Variants in NIT1 observed in about 807,000 individuals in gnomAD.
The protein encoded by NIT1 is nitrilase 1, also known as deaminated glutathione amidase.
In NIT1, 30 loss-of-function variants were observed where a neutral mutation model predicts 36.8. The ratio of observed to expected loss-of-function variants is 0.82; its 90% CI spans 0.61 to 1.11. NIT1 has a LOEUF of 1.11. NIT1 is among the 50% of genes least tolerant of loss of function. The pLI, the probability that NIT1 is intolerant of heterozygous loss-of-function variation, is 0.00. For missense variants in NIT1, 438 were observed against 410.6 expected (o/e 1.07, Z -0.58); for synonymous variants, 151 against 155.6 (o/e 0.97, Z 0.22).
intron 1 of NIT1, 93 bp downstream of exon 1, chr1:161,118,271 G>C: frequency 6.2e-7 from 1 of 1,607,728 alleles, no homozygotes; most frequent in Non-Finnish European, 8.5e-7. Context: ...GGAGAGGCGG[G>C]GAGGGACGGG....
rs1223858113 is a variant in NIT1, at chr1:161,120,733, C to T, written c.952C>T (p.Leu318Phe). 2 of 1,613,774 alleles carry T rather than the reference C, an allele frequency of 1.2e-6. No homozygotes were observed. Among genetic ancestry groups the T allele is most frequent in the Non-Finnish European group, 1.7e-6 (2 of 1,180,038 alleles). ...LPVFQHRRPDLYGNLGHPLS is the reference protein window; with the variant it reads ...LPVFQHRRPDFYGNLGHPLS ...TGTGTTCCAGCACCGCAGGCCTGACCTCTATGGCAATCTGGGTCACCCACT... is the reference window on the plus strand; with the variant it reads ...TGTGTTCCAGCACCGCAGGCCTGACTTCTATGGCAATCTGGGTCACCCACT... Residue 318 changes from leucine to phenylalanine, a missense_variant, in exon 7 of 7, where the codon CTC (leucine) becomes TTC (phenylalanine). Coordinates refer to ENST00000368009, the MANE Select transcript of NIT1 (RefSeq NM_005600.3).
chr1:161,123,211 G>A, downstream of NIT1: 1 of 1,613,948 alleles, frequency 6.2e-7, no homozygotes, highest in Non-Finnish European at 8.5e-7. Flanking sequence ...CCACAGGATA[G>A]TGGGGAGGCA....
At chr1:161,118,558 T>A in intron 1 of NIT1, 2 of 1,536,172 alleles carry the variant, frequency 1.3e-6, no homozygotes, top group Non-Finnish European at 1.7e-6. Flanking sequence ...TAATGTGAGA[T>A]CATTGGAAGT....
chr1:161,120,818 A>G lies in NIT1; in HGVS notation c.*53A>G, dbSNP rs1012308958. 12 of 1,574,836 alleles carry G rather than the reference A, an allele frequency of 7.6e-6. No individual in the cohort carries two copies. Among genetic ancestry groups the G allele is most frequent in the African/African-American group, 5.4e-5 (4 of 73,676 alleles). On this transcript the variant is annotated 3_prime_UTR_variant, in exon 7 of 7. Transcript: ENST00000368009. ...CCCCTCCCACCCCCACCCTGCCACT[A>G]TGAGCTAGTGCTCATGTGACTTGGA...
chr1:161,121,945 G>A (rs1655541267), downstream of NIT1: 4 of 623,196 alleles, frequency 6.4e-6, no homozygotes, highest in Non-Finnish European at 1.1e-5. Context: ...ATGGAAAAGG[G>A]AAATAAAGGG....
chr1:161,118,760 G>A (rs1223632730), intron 1 of NIT1, 26 bp from the exon 2 acceptor site: 2 of 1,551,776 alleles, frequency 1.3e-6, no homozygotes, highest in Admixed American at 1.7e-5. Flanking sequence ...GAAGGGGTTG[G>A]TGTCCTCATA....
At chr1:161,123,097 A>C (rs769972871), downstream of NIT1, 1 of 1,614,106 alleles carries the variant, frequency 6.2e-7, no homozygotes, top group South Asian at 1.1e-5. Context: ...TCTCCTTGGG[A>C]TCTGGTGTCA....
downstream of NIT1, chr1:161,121,752 T>A (rs1479271863): frequency 1.2e-5 from 2 of 166,250 alleles, no homozygotes; most frequent in Non-Finnish European, 2.7e-5. Context: ...AGCCCTTTGG[T>A]TTTTTAGACA....
rs891391978 is a variant in NIT1 at position 161,118,142 on chromosome 1, G to T, written c.-35G>T. The T allele has an allele frequency of 6.2e-7, 1 of 1,613,822 alleles. No individual in the cohort carries two copies. Among genetic ancestry groups the T allele is most frequent in the Non-Finnish European group, 8.5e-7 (1 of 1,179,928 alleles). ...GCTTCTGGCTCCAGACCGCCCTCCG[G>T]ATCGGACCCTGCGAATGGTTTTGGC... On this transcript the variant is annotated 5_prime_UTR_variant, in exon 1 of 7. Transcript: ENST00000368009.
chr1:161,120,312 TC>T, intron 6 of NIT1, 80 bp downstream of exon 6: 2 of 1,552,862 alleles, frequency 1.3e-6, no homozygotes, highest in Non-Finnish European at 1.8e-6. Flanking sequence ...TTAAATTCCT[TC>T]CCCTTTCCAC....
Position 161,121,096 on chromosome 1 carries a change from G to A in NIT1, c.*331G>A. On this transcript the variant is annotated 3_prime_UTR_variant, in exon 7 of 7. Transcript: ENST00000368009. ...GTCTGGACATCGCCTTTGGGAACTA[G>A]AAGGGGAGTTGGTATTGTACCAGCT... The A allele has an allele frequency of 8.6e-7, 1 of 1,158,064 alleles. No individual in the cohort carries two copies. Among genetic ancestry groups the A allele is most frequent in the Non-Finnish European group, 1.1e-6 (1 of 931,744 alleles). 71.7% of individuals were successfully genotyped at this position (1,158,064 alleles called of 1,614,324 possible).
downstream of NIT1, chr1:161,121,779 A>C (rs1336525058): frequency 5.7e-6 from 1 of 175,126 alleles, no homozygotes; most frequent in Non-Finnish European, 1.2e-5. Context: ...AAGAGCTCTC[A>C]TAAAGCCAGA....
At position 161,119,126 on chromosome 1, in the gene NIT1, G is replaced by C; in HGVS notation, c.99-8G>C. The C allele has an allele frequency of 6.2e-7, 1 of 1,613,192 alleles. No individual in the cohort carries two copies. Among genetic ancestry groups the C allele is most frequent in the Non-Finnish European group, 8.5e-7 (1 of 1,179,868 alleles). On this transcript the variant is annotated splice_region_variant and splice_polypyrimidine_tract_variant and intron_variant, in intron 2 of 6. Coordinates refer to ENST00000368009, the MANE Select transcript of NIT1 (RefSeq NM_005600.3). The stretch of plus-strand genomic sequence containing the variant: ...GAAATCTGAGAATCCTGCCTATGCT[G>C]TTCACAGGCCCAGAGCCATGGCTAT...
Position 161,118,118 on chromosome 1 carries a change from C to CT in NIT1, c.-57dup. On this transcript the variant is annotated 5_prime_UTR_variant, in exon 1 of 7. Transcript: ENST00000368009. ...GAGTTACCGCCCACTCGCTGCGGCG[C>CT]TTCTGGCTCCAGACCGCCCTCCGGA... The CT allele has an allele frequency of 6.2e-7, 1 of 1,613,676 alleles. No individual in the cohort carries two copies.
intron 1 of NIT1, chr1:161,118,392 C>T: frequency 6.5e-7 from 1 of 1,529,724 alleles, no homozygotes; most frequent in Non-Finnish European, 8.8e-7. Context: ...GGTGAACTTT[C>T]CCCTGCGAGA....
intron 2 of NIT1, 78 bp downstream of exon 2, chr1:161,118,959 G>A: frequency 7.5e-7 from 1 of 1,340,636 alleles, no homozygotes; most frequent in Non-Finnish European, 1.1e-6. Flanking sequence ...AGACACAGGA[G>A]TGTCAACTAT....
Position 161,119,335 on chromosome 1 carries a change from C to T in NIT1, c.300C>T (p.His100=), listed in dbSNP as rs1180734963. 3.1e-6 allele frequency: 5 copies of T among 1,614,230 alleles called. No individual in the cohort carries two copies. Among genetic ancestry groups the T allele is most frequent in the East Asian group, 2.2e-5 (1 of 44,890 alleles). Residue 100 remains histidine (H), a synonymous_variant, in exon 3 of 7, where the codon CAC becomes CAT. Transcript: ENST00000368009. ...CACGGGACCCTGCAGAGACGCTACA[C>T]CTGTCTGAACCACTGGGTGGGAAAC... ...FIARDPAETL[H]LSEPLGGKLL... is the part of the protein sequence containing the mutation.
chr1:161,118,128 C>G lies in NIT1; in HGVS notation c.-49C>G, dbSNP rs746514957. 1.9e-6 allele frequency: 3 copies of G among 1,613,828 alleles called. No homozygotes were observed. The highest frequency in any genetic ancestry group is 2.5e-6 in the Non-Finnish European group (3 of 1,179,876). On this transcript the variant is annotated 5_prime_UTR_variant, in exon 1 of 7. Coordinates refer to ENST00000368009, the MANE Select transcript of NIT1 (RefSeq NM_005600.3). ...CCACTCGCTGCGGCGCTTCTGGCTC[C>G]AGACCGCCCTCCGGATCGGACCCTG...
downstream of NIT1, chr1:161,121,322 G>A: frequency 3.8e-6 from 1 of 260,390 alleles, no homozygotes; most frequent in Non-Finnish European, 6.0e-6. Flanking sequence ...AAGCAAAGGG[G>A]AAAAGGGCTG....
Sources: gnomAD v4.1 joint callset for allele counts on GRCh38, gnomAD v4.1.1 for gene constraint, MANE v1.5 for transcripts, NCBI Gene and HGNC (gene_info 2026-07-23, HGNC 2026-07-21) for gene names.